KCNIP4: variants seen among roughly 807,000 people sequenced by gnomAD.
KCNIP4 encodes Kv channel-interacting protein 4.
KCNIP4 carries 12 observed loss-of-function variants against 34.0 expected under a neutral mutation model. The observed-to-expected ratio is 0.35, with a 90% CI of 0.23 to 0.57. The LOEUF (loss-of-function observed/expected upper bound fraction) is 0.57. KCNIP4 is among the 20% of genes least tolerant of loss of function. The pLI is 0.83. For synonymous variants in KCNIP4, 124 were observed against 102.2 expected (o/e 1.21, Z -1.29); for missense variants, 238 against 311.7 (o/e 0.76, Z 1.78).
chr4:21,809,414 C>T (rs1327112716), intron 1 of KCNIP4, among the ~76,000 whole-genome samples: 1 of 152,142 alleles, frequency 6.6e-6, no homozygotes, highest in Non-Finnish European at 1.5e-5. Context: ...TCCAGGTTCT[C>T]CAGCTTGCAG....
chr4:20,738,379 C>A (rs1750214011), intron 5 of KCNIP4, among the ~76,000 whole-genome samples: 1 of 152,152 alleles, frequency 6.6e-6, no homozygotes, highest in Admixed American at 6.5e-5. Flanking sequence ...ATGTGCAACA[C>A]AGTCACCTGG....
intron 1 of KCNIP4, among the ~76,000 whole-genome samples, chr4:21,073,603 C>A (rs1577643759): frequency 6.6e-6 from 1 of 152,286 alleles, no homozygotes; most frequent in East Asian, 1.9e-4. Context: ...TTGACTTCCT[C>A]TTTTCCTAAT....
chr4:21,747,494 T>C (rs1487614401), intron 1 of KCNIP4, among the ~76,000 whole-genome samples: 2 of 152,136 alleles, frequency 1.3e-5, no homozygotes, highest in Non-Finnish European at 2.9e-5. Context: ...CTTAGTTCAG[T>C]GCAGGTTATA....
intron 1 of KCNIP4, among the ~76,000 whole-genome samples, chr4:21,142,652 C>T (rs115108496): frequency 6.6e-6 from 1 of 152,098 alleles, no homozygotes; most frequent in South Asian, 2.1e-4. Flanking sequence ...ATGTGTCTCC[C>T]GCCCTTGCCT....
intron 1 of KCNIP4, among the ~76,000 whole-genome samples, chr4:21,840,055 C>T (rs1204733838): frequency 2.0e-5 from 3 of 152,038 alleles, no homozygotes; most frequent in Non-Finnish European, 1.5e-5. Context: ...TTCTGTTTGA[C>T]AATTCCTCAC....
intron 1 of KCNIP4, among the ~76,000 whole-genome samples, chr4:21,701,242 C>T (rs902316615): frequency 2.0e-5 from 3 of 151,936 alleles, no homozygotes; most frequent in African/African-American, 7.3e-5. Flanking sequence ...TGGTATTTAC[C>T]AGAGGATGAG....
intron 1 of KCNIP4, among the ~76,000 whole-genome samples, chr4:21,618,602 ATTTTC>A (rs1744765751): frequency 1.1e-5 from 1 of 89,876 alleles, no homozygotes; most frequent in African/African-American, 4.3e-5. Flanking sequence ...GTATTTATAT[ATTTTC>A]TTTTCTTTTT....
chr4:21,686,892 C>G (rs1381777741), intron 1 of KCNIP4, among the ~76,000 whole-genome samples: 6 of 150,442 alleles, frequency 4.0e-5, no homozygotes, highest in African/African-American at 1.5e-4. Context: ...CGGCATTATT[C>G]ACAATAGCAA....
intron 1 of KCNIP4, among the ~76,000 whole-genome samples, chr4:21,827,756 C>T (rs1470075284): frequency 6.6e-6 from 1 of 151,964 alleles, no homozygotes; most frequent in Non-Finnish European, 1.5e-5. Flanking sequence ...CTAAGAATCC[C>T]TAACCACAAG....
intron 1 of KCNIP4, among the ~76,000 whole-genome samples, chr4:21,780,941 G>C (rs1560709696): frequency 2.0e-5 from 3 of 152,116 alleles, no homozygotes; most frequent in Admixed American, 1.3e-4. Flanking sequence ...TTTTGCTTCT[G>C]TCTTCACAGG....
intron 1 of KCNIP4, among the ~76,000 whole-genome samples, chr4:21,014,994 A>T (rs1739374831): frequency 6.6e-6 from 1 of 152,216 alleles, no homozygotes; most frequent in African/African-American, 2.4e-5. Context: ...ACATTATGCT[A>T]AGTGAAATAA....
chr4:21,525,716 G>A (rs1028958066), intron 1 of KCNIP4, among the ~76,000 whole-genome samples: 1 of 152,022 alleles, frequency 6.6e-6, no homozygotes, highest in Admixed American at 6.6e-5. Flanking sequence ...GGGATTCAGA[G>A]GTGTAGGAAG....
At chr4:21,231,965 T>C (rs1195062073) in intron 1 of KCNIP4, among the ~76,000 whole-genome samples, 2 of 152,154 alleles carry the variant, frequency 1.3e-5, no homozygotes, top group Non-Finnish European at 2.9e-5. Flanking sequence ...AGCTGGCCGA[T>C]AGACAAGGGC....
At chr4:21,156,456 C>G (rs1043113253) in intron 1 of KCNIP4, among the ~76,000 whole-genome samples, 1 of 152,108 alleles carries the variant, frequency 6.6e-6, no homozygotes, top group African/African-American at 2.4e-5. Context: ...CCCAGGATCC[C>G]AGAGTCAATG....
chr4:21,532,594 C>A (rs1386003361), intron 1 of KCNIP4, among the ~76,000 whole-genome samples: 1 of 152,160 alleles, frequency 6.6e-6, no homozygotes. Flanking sequence ...TCAGTAGATA[C>A]TTTCCCCACT....
intron 7 of KCNIP4, 59 bp from the exon 8 acceptor site, chr4:20,732,127 G>C (rs1204618299): frequency 2.6e-5 from 30 of 1,149,704 alleles, no homozygotes; most frequent in Non-Finnish European, 3.5e-5. Flanking sequence ...CCTCACACCT[G>C]GACCAAATGA....
At chr4:21,787,528 C>T (rs1719993264) in intron 1 of KCNIP4, among the ~76,000 whole-genome samples, 1 of 152,146 alleles carries the variant, frequency 6.6e-6, no homozygotes, top group Non-Finnish European at 1.5e-5. Context: ...ACAACAACCC[C>T]ATGAAGAAGT....
chr4:21,709,369 C>T (rs1713537984), intron 1 of KCNIP4, among the ~76,000 whole-genome samples: 1 of 152,118 alleles, frequency 6.6e-6, no homozygotes, highest in Non-Finnish European at 1.5e-5. Flanking sequence ...ATTTACCATT[C>T]AGAAGAAAGG....
chr4:21,794,390 T>C (rs1720496876), intron 1 of KCNIP4, among the ~76,000 whole-genome samples: 1 of 152,244 alleles, frequency 6.6e-6, no homozygotes, highest in African/African-American at 2.4e-5. Flanking sequence ...CTTAATTGAA[T>C]GGGTACATTT....
Sources: allele counts gnomAD v4.1 joint callset (sites outside exome capture counted in the v4.1 genomes callset), GRCh38; gene constraint gnomAD v4.1.1; transcripts MANE v1.5; gene names NCBI Gene and HGNC (gene_info 2026-07-23, HGNC 2026-07-21).